The following CRPPA variants were observed in gnomAD, a reference collection of about 807,000 sequenced individuals.
CRPPA encodes the protein D-ribitol-5-phosphate cytidylyltransferase.
Under a neutral mutation model 52.0 loss-of-function variants are expected in CRPPA, and 43 were observed. That is an observed-to-expected ratio of 0.83 (90% CI 0.65 to 1.07). The LOEUF (loss-of-function observed/expected upper bound fraction) is 1.07. Ranked by LOEUF, CRPPA falls within the 50% of genes least tolerant of loss-of-function variation. The probability of loss-of-function intolerance (pLI) is 0.00; values close to 1 mark genes in which losing one functional copy is unlikely to be tolerated. For missense variants in CRPPA, 629 were observed against 551.7 expected (o/e 1.14, Z -1.40); for synonymous variants, 250 against 203.5 (o/e 1.23, Z -1.94).
At chr7:16,202,202 T>C (rs906475936) in intron 9 of CRPPA, among the ~76,000 whole-genome samples, 2 of 152,210 alleles carry the variant, frequency 1.3e-5, no homozygotes, top group African/African-American at 2.4e-5. Flanking sequence ...TTTGTACTCA[T>C]GTTTATGAAT....
At chr7:16,367,647 C>T (rs113839863) in intron 3 of CRPPA, among the ~76,000 whole-genome samples, 3,083 of 152,138 alleles carry the variant, frequency 0.02, 45 homozygotes, top group South Asian at 0.058. Flanking sequence ...GTTGACAGTA[C>T]GAGATACAAG....
At chr7:16,216,027 C>A in intron 9 of CRPPA, 39 bp downstream of exon 9, 2 of 1,492,922 alleles carry the variant, frequency 1.3e-6, no homozygotes, top group Non-Finnish European at 1.8e-6. Context: ...TAAAACTAGT[C>A]TACAGAACAT....
intron 3 of CRPPA, among the ~76,000 whole-genome samples, chr7:16,338,982 T>C (rs1006563115): frequency 6.6e-6 from 1 of 150,980 alleles, no homozygotes; most frequent in African/African-American, 2.4e-5. Flanking sequence ...CGCCGGCTAA[T>C]TTTTTTTTGT....
Position 16,421,211 on chromosome 7 carries a change from T to C in CRPPA, c.112A>G (p.Thr38Ala). The C allele has an allele frequency of 7.4e-7, 1 of 1,345,040 alleles. No individual in the cohort carries two copies. The highest frequency in any genetic ancestry group is 9.6e-7 in the Non-Finnish European group (1 of 1,041,530). 83.3% of individuals were successfully genotyped at this position (1,345,040 alleles called of 1,614,324 possible). ...ASASLQSVAG[T>A]EPGRHPQAVA... ...GCTTGCGGGTGGCGCCCGGGCTCGG[T>C]CCCGGCCACGCTCTGCAGGGAGGCG... The change falls in exon 1 of 10, where the codon ACC (threonine) becomes GCC (alanine). Residue 38 changes from threonine (T) to alanine (A), a missense_variant. Physicochemically the swap from Thr to Ala is moderately conservative, Grantham distance 58 (BLOSUM62 0). Coordinates refer to ENST00000407010, the MANE Select transcript of CRPPA (RefSeq NM_001101426.4).
chr7:16,104,769 G>A (rs771903866), intron 9 of CRPPA, among the ~76,000 whole-genome samples: 52 of 152,010 alleles, frequency 3.4e-4, no homozygotes, highest in Non-Finnish European at 6.0e-4. Flanking sequence ...GCATGGTGGC[G>A]TGCGCCTGTA....
At chr7:16,100,742 G>T (rs902038602) in intron 9 of CRPPA, among the ~76,000 whole-genome samples, 8 of 152,184 alleles carry the variant, frequency 5.3e-5, no homozygotes, top group African/African-American at 1.9e-4. Flanking sequence ...TTTTCAAAGG[G>T]AATGCTTCCA....
chr7:16,242,958 C>G lies in CRPPA; in HGVS notation c.1119+15432G>C, dbSNP rs533218435. ...CACGACAATTTCAGGCCACTTAATG[C>G]TGAAATCTGCTTTACTTCAAGTAAT... On this transcript the variant is annotated intron_variant, in intron 8 of 9. Transcript: ENST00000407010. 2.0e-5 allele frequency among the ~76,000 whole-genome samples: 3 copies of G among 152,310 alleles called. No individual in the cohort carries two copies. In the South Asian group the frequency reaches 6.2e-4, roughly 32 times the overall value.
intron 9 of CRPPA, among the ~76,000 whole-genome samples, chr7:16,112,395 T>C (rs1782284474): frequency 2.6e-5 from 4 of 151,944 alleles, no homozygotes; most frequent in South Asian, 2.1e-4. Flanking sequence ...AAGTTAAGGA[T>C]CTGCAGATAG....
chr7:16,286,481 T>C (rs1423114162), intron 5 of CRPPA, among the ~76,000 whole-genome samples: 4 of 152,110 alleles, frequency 2.6e-5, no homozygotes, highest in Non-Finnish European at 4.4e-5. Context: ...ACCAGATAAC[T>C]AATAATTCCC....
chr7:16,414,927 C>T (rs1042721525), intron 1 of CRPPA, among the ~76,000 whole-genome samples: 4 of 152,164 alleles, frequency 2.6e-5, no homozygotes, highest in Admixed American at 6.5e-5. Context: ...TTAACCTATA[C>T]ACACATTCAT....
chr7:16,295,635 C>T (rs1252422608), intron 5 of CRPPA, among the ~76,000 whole-genome samples: 2 of 152,066 alleles, frequency 1.3e-5, no homozygotes, highest in Non-Finnish European at 2.9e-5. Flanking sequence ...TGGGGCTTTT[C>T]TTAGAAACTC....
chr7:16,218,856 C>A (rs1250468805), intron 8 of CRPPA, among the ~76,000 whole-genome samples: 3 of 148,044 alleles, frequency 2.0e-5, no homozygotes, highest in Non-Finnish European at 4.5e-5. Flanking sequence ...GACTTTAACA[C>A]CCCACTGTCA....
intron 9 of CRPPA, among the ~76,000 whole-genome samples, chr7:16,129,822 C>T (rs1397569609): frequency 6.6e-6 from 1 of 152,230 alleles, no homozygotes; most frequent in Middle Eastern, 3.4e-3. Context: ...AATTCATCTC[C>T]CTTCCTCCCA....
At chr7:16,248,831 G>C (rs903146358) in intron 8 of CRPPA, among the ~76,000 whole-genome samples, 2 of 152,164 alleles carry the variant, frequency 1.3e-5, no homozygotes, top group African/African-American at 4.8e-5. Context: ...ATGACAGACT[G>C]TACTTGGAGG....
intron 8 of CRPPA, among the ~76,000 whole-genome samples, chr7:16,242,118 C>G (rs1918262): frequency 1.3e-5 from 2 of 151,358 alleles, no homozygotes; most frequent in Non-Finnish European, 2.9e-5. Flanking sequence ...CCACACCCGG[C>G]TAATTTTTTG....
At chr7:16,272,241 G>T (rs1249477592) in intron 6 of CRPPA, among the ~76,000 whole-genome samples, 2 of 152,116 alleles carry the variant, frequency 1.3e-5, no homozygotes, top group Non-Finnish European at 2.9e-5. Flanking sequence ...TAGGAGAGGT[G>T]CCTCTCCCCA....
intron 6 of CRPPA, among the ~76,000 whole-genome samples, chr7:16,265,991 G>A (rs1417762063): frequency 6.6e-6 from 1 of 152,130 alleles, no homozygotes; most frequent in Non-Finnish European, 1.5e-5. Flanking sequence ...GTTACTCTAG[G>A]TACTATTACC....
intron 9 of CRPPA, among the ~76,000 whole-genome samples, chr7:16,188,011 A>G (rs542384315): frequency 1.3e-5 from 2 of 151,684 alleles, no homozygotes; most frequent in Admixed American, 6.6e-5. Flanking sequence ...ACCTGAACCA[A>G]TGCCAGGACA....
At chr7:16,314,855 G>T (rs759411934) in intron 3 of CRPPA, among the ~76,000 whole-genome samples, 3 of 152,016 alleles carry the variant, frequency 2.0e-5, no homozygotes, top group African/African-American at 4.8e-5. Flanking sequence ...ATATGCTTAG[G>T]TGTAGTTTAT....
Sources: gnomAD v4.1 joint callset for allele counts (sites outside exome capture counted in the v4.1 genomes callset) on GRCh38, gnomAD v4.1.1 for gene constraint, MANE v1.5 for transcripts, NCBI Gene and HGNC (gene_info 2026-07-23, HGNC 2026-07-21) for gene names.